The following OTOG variants were observed in gnomAD, a reference collection of about 807,000 sequenced individuals.
OTOG encodes the protein otogelin.
A neutral mutation model predicts 313.8 loss-of-function variants in OTOG; 296 were observed. The observed-to-expected ratio is 0.94, with a 90% CI of 0.86 to 1.04. The LOEUF is 1.04. Among genes scored for constraint, OTOG ranks in the 50% least tolerant of loss-of-function variants. The pLI is 0.00. For missense variants in OTOG, 3,948 were observed against 3,840.1 expected, an observed-to-expected ratio of 1.03 and a Z score of -0.74; for synonymous variants, 1,533 against 1,554.9, an observed-to-expected ratio of 0.99 and a Z score of 0.33.
At chr11:17,579,096 G>A (rs984777909) in intron 23 of OTOG, among the ~76,000 whole-genome samples, 1 of 152,208 alleles carries the variant, frequency 6.6e-6, no homozygotes, top group African/African-American at 2.4e-5. Flanking sequence ...TCTGTACACC[G>A]ACGTGGCCCA....
chr11:17,602,331 T>C lies in OTOG; in HGVS notation c.3831T>C (p.Ile1277=). The C allele has an allele frequency of 1.3e-6, 2 of 1,550,524 alleles. No individual in the cohort carries two copies. Among genetic ancestry groups the C allele is most frequent in the Non-Finnish European group, 1.7e-6 (2 of 1,146,950 alleles). The part of the protein sequence containing the change: ...VRTEDVAPAD[I]VSFLLTAALY... ...CAGAGGATGTGGCGCCAGCAGACAT[T>C]GTGAGCTTCCTGCTGACAGCTGCTC... Residue 1277 remains isoleucine, a synonymous_variant, in exon 32 of 56, where the codon ATT becomes ATC. Transcript: ENST00000399397.
intron 25 of OTOG, among the ~76,000 whole-genome samples, chr11:17,592,115 C>T (rs1367332270): frequency 2.0e-5 from 3 of 152,066 alleles, no homozygotes; most frequent in East Asian, 1.9e-4. Flanking sequence ...TTATAATTTT[C>T]GGCTCACCTG....
chr11:17,551,065 T>C lies in OTOG; in HGVS notation c.217-935T>C, dbSNP rs754814327. ...AATACCCACAGTGCAGTTTGTGGCT[T>C]GTTGGCCCTATGAACAAGCACATAA... On this transcript the variant is annotated intron_variant, in intron 3 of 55. Transcript: ENST00000399397. 8.5e-4 allele frequency among the ~76,000 whole-genome samples: 130 copies of C among 152,248 alleles called. 3 individuals carry two copies. The highest frequency in any genetic ancestry group is 6.5e-4 in the Admixed American group (10 of 15,298).
chr11:17,573,272 G>A lies in OTOG; in HGVS notation c.2275G>A (p.Ala759Thr), dbSNP rs796079809. 7.2e-6 allele frequency: 11 copies of A among 1,527,854 alleles called. No homozygotes were observed. Among genetic ancestry groups the A allele is most frequent in the African/African-American group, 4.1e-5 (3 of 72,808 alleles). The allele number at this position is 1,527,854 out of a possible 1,614,324, so 94.6% of individuals were successfully genotyped here. ...CCATGGGCTCCCCGTTGATTTCCGC[G>A]CCCGCCTGCCAGCCTGTGGTGAGTG... is the stretch of plus-strand genomic sequence containing the variant. ...RRHGLPVDFR[A>T]RLPACALSCE... The change falls in exon 19 of 56, where the codon GCC becomes ACC. Residue 759 changes from alanine (A) to threonine (T), a missense_variant. Physicochemically the swap from Ala to Thr is moderately conservative, Grantham distance 58. Transcript: ENST00000399397.
At chr11:17,641,239 C>G in intron 51 of OTOG, 148 bp downstream of exon 51, 1 of 918,982 alleles carries the variant, frequency 1.1e-6, no homozygotes, top group Non-Finnish European at 1.6e-6. Flanking sequence ...GTAGAAAGTG[C>G]CAAGAAAGGG....
intron 23 of OTOG, among the ~76,000 whole-genome samples, chr11:17,585,625 G>A (rs1336835904): frequency 6.6e-6 from 1 of 152,058 alleles, no homozygotes; most frequent in Admixed American, 6.5e-5. Flanking sequence ...ACCTGGATAT[G>A]CTGGCCACTT....
chr11:17,577,307 G>A (rs1314580063), intron 22 of OTOG, among the ~76,000 whole-genome samples: 2 of 152,232 alleles, frequency 1.3e-5, no homozygotes, highest in African/African-American at 4.8e-5. Flanking sequence ...GGTCACAGAG[G>A]TAGGCAGGAC....
chr11:17,611,381 T>C lies in OTOG; in HGVS notation c.6081T>C (p.Ala2027=), dbSNP rs1335376825. The C allele has an allele frequency of 1.9e-6, 3 of 1,542,012 alleles. No homozygotes were observed. The change falls in exon 36 of 56, where the codon GCT becomes GCC. Residue 2027 remains alanine (A), a synonymous_variant. Coordinates refer to ENST00000399397, the MANE Select transcript of OTOG (RefSeq NM_001292063.2). ...GCATCGTAGAGGGTTTGGCGGAGGCTTTGGCAACTACCACTGAGGCCAATA... is the reference window on the plus strand; with the variant it reads ...GCATCGTAGAGGGTTTGGCGGAGGCCTTGGCAACTACCACTGAGGCCAATA... The part of the protein sequence containing the change: ...ALSIVEGLAE[A]LATTTEANTS...
At position 17,609,189 on chromosome 11, in the gene OTOG, GAT is replaced by G; in HGVS notation, c.4335_4336del (p.Val1447LeufsTer20). The G allele has an allele frequency of 6.4e-7, 1 of 1,550,528 alleles. No individual in the cohort carries two copies. The highest frequency in any genetic ancestry group is 1.2e-5 in the South Asian group (1 of 84,058). On this transcript the variant is annotated frameshift_variant, in exon 35 of 56. Coordinates refer to ENST00000399397, the MANE Select transcript of OTOG (RefSeq NM_001292063.2). LOFTEE classifies it high-confidence loss of function. ...CAGGTCCTGGATGAAGTCACACAGA[GAT>G]GTGTCTACTTGGAGGACTGTAAGTG...
chr11:17,550,442 A>C (rs1383164838), intron 3 of OTOG, among the ~76,000 whole-genome samples: 2 of 152,212 alleles, frequency 1.3e-5, no homozygotes, highest in Non-Finnish European at 2.9e-5. Flanking sequence ...GGGTCACTAA[A>C]TTATCTAAGG....
At position 17,586,547 on chromosome 11, in the gene OTOG, C is replaced by A. The variant is rs986834856; in HGVS notation, c.2833C>A (p.Pro945Thr). Residue 945 changes from proline (P) to threonine (T), a missense_variant, in exon 24 of 56, where the codon CCT becomes ACT. By Grantham distance (38) the Pro-to-Thr change is conservative. Transcript: ENST00000399397. Reference protein sequence around the residue: ...PCTWKGKEYFPGDQVMSPCHT... With the variant: ...PCTWKGKEYFTGDQVMSPCHT... ...CACTTGGAAGGGGAAGGAGTATTTC[C>A]CTGGGGACCAGGTGATGTCTCCTTG... 4.2e-6 allele frequency: 6 copies of A among 1,436,258 alleles called. No homozygotes were observed. In the African/African-American group the frequency reaches 8.8e-5, roughly 21 times the overall value. The allele number at this position is 1,436,258 out of a possible 1,614,324, so 89.0% of individuals were successfully genotyped here.
At position 17,558,324 on chromosome 11, in the gene OTOG, C is replaced by A. The variant is rs147843540; in HGVS notation, c.996+9C>A. 9.5e-3 allele frequency: 14,755 copies of A among 1,550,518 alleles called. 86 individuals carry two copies. Among genetic ancestry groups the A allele is most frequent in the Non-Finnish European group, 0.011 (12,742 of 1,146,848 alleles). On this transcript the variant is annotated intron_variant, in intron 9 of 55. Transcript: ENST00000399397. Reference sequence around the variant, plus strand: ...ACCCAGGAACCATGCAGGTCTGGAGCTTGGGGAGAAACTCCCCTACCCTAG... The same window carrying A: ...ACCCAGGAACCATGCAGGTCTGGAGATTGGGGAGAAACTCCCCTACCCTAG...
intron 54 of OTOG, 32 bp downstream of exon 54, chr11:17,643,538 G>C: frequency 7.2e-7 from 1 of 1,395,122 alleles, no homozygotes; most frequent in East Asian, 2.9e-5. Flanking sequence ...CCAGGGGTGG[G>C]GGGCTCTGAT....
rs899122772 is a variant in OTOG at position 17,634,900 on chromosome 11, C to T, written c.7537C>T (p.Leu2513Phe). Reference protein sequence around the residue: ...LAPTCRPGHRLLTHFQEDSCC... With the variant: ...LAPTCRPGHRFLTHFQEDSCC... ...CCCCACATGCCGCCCAGGCCACCGC[C>T]TCCTCACCCACTTCCAGGAGGACTC... Residue 2513 changes from leucine (L) to phenylalanine (F), a missense_variant, in exon 45 of 56, where the codon CTC becomes TTC. Transcript: ENST00000399397. The T allele has an allele frequency of 1.2e-5, 18 of 1,549,288 alleles. No homozygotes were observed. Among genetic ancestry groups the T allele is most frequent in the East Asian group, 4.9e-5 (2 of 40,894 alleles).
chr11:17,624,456 C>G (rs1210916608), intron 39 of OTOG, among the ~76,000 whole-genome samples: 4 of 152,090 alleles, frequency 2.6e-5, no homozygotes, highest in Non-Finnish European at 5.9e-5. Flanking sequence ...GAAGATCAGA[C>G]AGCTGTAGGT....
intron 40 of OTOG, 148 bp downstream of exon 40, chr11:17,629,464 C>CA: frequency 1.1e-6 from 1 of 930,966 alleles, no homozygotes; most frequent in Admixed American, 3.0e-5. Flanking sequence ...GGAGGCCTAA[C>CA]GTCTTGTGTC....
Position 17,626,269 on chromosome 11 carries a change from A to G in OTOG, c.6529-2864A>G, listed in dbSNP as rs550401437. Among the ~76,000 whole-genome samples the G allele has an allele frequency of 4.6e-5, 7 of 152,276 alleles. No individual in the cohort carries two copies. In the South Asian group the frequency reaches 1.5e-3, roughly 32 times the overall value. The stretch of plus-strand genomic sequence containing the variant: ...TGGCTCACTGCTACCTCTGTCTCCC[A>G]GGTTCAAGTGATTCTCCTGCCTCAG... On this transcript the variant is annotated intron_variant, in intron 39 of 55. Transcript: ENST00000399397.
chr11:17,642,681 A>C (rs1403666078), intron 53 of OTOG, among the ~76,000 whole-genome samples: 1 of 152,218 alleles, frequency 6.6e-6, no homozygotes, highest in Non-Finnish European at 1.5e-5. Flanking sequence ...GCAGGTGTCC[A>C]GCACTAGCAT....
intron 46 of OTOG, 31 bp downstream of exon 46, chr11:17,635,218 A>G: frequency 6.6e-7 from 1 of 1,508,334 alleles, no homozygotes; most frequent in East Asian, 2.5e-5. Context: ...GCCAGCGCAC[A>G]CAGCCTGATC....
Sources: gnomAD v4.1 joint callset for allele counts (sites outside exome capture counted in the v4.1 genomes callset) on GRCh38, gnomAD v4.1.1 for gene constraint, MANE v1.5 for transcripts, NCBI Gene and HGNC (gene_info 2026-07-23, HGNC 2026-07-21) for gene names.